The following EML6 variants were observed in gnomAD, a reference collection of about 807,000 sequenced individuals.
EML6 encodes the protein echinoderm microtubule-associated protein-like 6.
A neutral mutation model predicts 240.1 loss-of-function variants in EML6; 154 were observed. The ratio of observed to expected loss-of-function variants is 0.64; its 90% CI spans 0.56 to 0.73. EML6 has a LOEUF of 0.73. Among genes scored for constraint, EML6 ranks in the 30% least tolerant of loss-of-function variants. The pLI, the probability that EML6 is intolerant of heterozygous loss-of-function variation, is 0.00. For missense variants in EML6, 2,964 were observed against 2,474.6 expected, an observed-to-expected ratio of 1.20 and a Z score of -4.20; for synonymous variants, 1,148 against 899.0, an observed-to-expected ratio of 1.28 and a Z score of -4.95.
chr2:54,892,947 T>C (rs1277024762), intron 19 of EML6, among the ~76,000 whole-genome samples: 1 of 152,142 alleles, frequency 6.6e-6, no homozygotes, highest in Non-Finnish European at 1.5e-5. Flanking sequence ...TGTGGACACT[T>C]AGCAGCAGAA....
chr2:54,814,536 C>T (rs1405831847), intron 3 of EML6, among the ~76,000 whole-genome samples: 1 of 152,196 alleles, frequency 6.6e-6, no homozygotes, highest in African/African-American at 2.4e-5. Context: ...GCCACCCTTC[C>T]TCTGTCTCTC....
chr2:54,898,221 C>T (rs562708048), intron 21 of EML6, among the ~76,000 whole-genome samples: 3 of 152,064 alleles, frequency 2.0e-5, no homozygotes, highest in Non-Finnish European at 4.4e-5. Flanking sequence ...TCCTTCAAGC[C>T]TGCCTCGCTT....
intron 24 of EML6, among the ~76,000 whole-genome samples, chr2:54,905,663 C>T (rs13382720): frequency 0.17 from 25,388 of 152,110 alleles, 2,671 homozygotes; most frequent in African/African-American, 0.29. Context: ...TCTTGTAATA[C>T]TGATGACATT....
rs1675522090 is a variant in EML6 at position 54,943,280 on chromosome 2, T to C, written c.4005-5602T>C. On this transcript the variant is annotated intron_variant, in intron 28 of 41. Transcript: ENST00000356458. Reference sequence around the variant, plus strand: ...CTTCTCAGAGGAAGTAAGTCCCTTCTCCTATTCAAGACAGTTCCCTCACCT... The same window carrying C: ...CTTCTCAGAGGAAGTAAGTCCCTTCCCCTATTCAAGACAGTTCCCTCACCT... 1.3e-5 allele frequency among the ~76,000 whole-genome samples: 2 copies of C among 152,072 alleles called. 1 individual carries two copies. Among genetic ancestry groups the C allele is most frequent in the South Asian group, 4.2e-4 (2 of 4,816 alleles).
intron 28 of EML6, among the ~76,000 whole-genome samples, chr2:54,942,319 A>G (rs1057242845): frequency 6.6e-6 from 1 of 152,234 alleles, no homozygotes; most frequent in African/African-American, 2.4e-5. Flanking sequence ...ATGGAGATAA[A>G]AGAACACTTC....
chr2:54,846,000 C>T (rs552709361), intron 8 of EML6, among the ~76,000 whole-genome samples: 1 of 152,206 alleles, frequency 6.6e-6, no homozygotes, highest in Non-Finnish European at 1.5e-5. Flanking sequence ...TTTCTATCTT[C>T]AGATGTTTCA....
intron 12 of EML6, among the ~76,000 whole-genome samples, chr2:54,862,746 G>A (rs1670749864): frequency 1.3e-5 from 2 of 152,286 alleles, no homozygotes; most frequent in South Asian, 4.1e-4. Flanking sequence ...TAAAGGCAGA[G>A]CATTATAAGT....
intron 5 of EML6, 43 bp from the exon 6 acceptor site, chr2:54,827,523 G>A (rs747750069): frequency 2.4e-5 from 36 of 1,474,308 alleles, no homozygotes; most frequent in African/African-American, 9.8e-5. Flanking sequence ...CAATACATCC[G>A]AATACTCTAT....
In EML6 at chr2:54,820,536, G is replaced by A. The variant is rs752078020; in HGVS notation, c.525+74G>A. ...TAGGTGTTTGTATAGATAATTTGAT[G>A]TTGAGAGACTGCTAGACTTTACATT... On this transcript the variant is annotated intron_variant, in intron 5 of 41. Transcript: ENST00000356458. 6.5e-4 allele frequency: 560 copies of A among 862,716 alleles called. 5 individuals carry two copies. Among genetic ancestry groups the A allele is most frequent in the Non-Finnish European group, 1.4e-4 (74 of 542,552 alleles). 53.4% of individuals were successfully genotyped at this position (862,716 alleles called of 1,614,324 possible).
intron 7 of EML6, among the ~76,000 whole-genome samples, chr2:54,839,148 G>A (rs1669310894): frequency 6.6e-6 from 1 of 152,180 alleles, no homozygotes; most frequent in African/African-American, 2.4e-5. Context: ...GGATAGACAG[G>A]AGAAGGGAAT....
intron 6 of EML6, among the ~76,000 whole-genome samples, chr2:54,828,780 G>A (rs1339938814): frequency 6.6e-6 from 1 of 152,204 alleles, no homozygotes. Flanking sequence ...CTGTGGAGGA[G>A]CATCTTGAAA....
intron 2 of EML6, among the ~76,000 whole-genome samples, chr2:54,740,927 T>C (rs1683602096): frequency 6.6e-6 from 1 of 152,156 alleles, no homozygotes; most frequent in Non-Finnish European, 1.5e-5. Flanking sequence ...GATAAAAATG[T>C]AATAGAAGAG....
At chr2:54,741,839 C>T (rs767882977) in intron 2 of EML6, among the ~76,000 whole-genome samples, 2 of 152,206 alleles carry the variant, frequency 1.3e-5, no homozygotes, top group Non-Finnish European at 2.9e-5. Context: ...GAAGGCAAAG[C>T]TCTTCCTTGT....
intron 17 of EML6, among the ~76,000 whole-genome samples, chr2:54,888,518 C>T (rs1318413151): frequency 2.0e-5 from 3 of 152,138 alleles, no homozygotes; most frequent in East Asian, 3.8e-4. Flanking sequence ...ATCCTTTCAT[C>T]CCTCCTCCCT....
chr2:54,956,696 A>C (rs1331099715), intron 32 of EML6, among the ~76,000 whole-genome samples: 1 of 152,192 alleles, frequency 6.6e-6, no homozygotes, highest in Non-Finnish European at 1.5e-5. Flanking sequence ...CCACAGGCCC[A>C]GCTACATCAA....
Position 54,810,406 on chromosome 2 carries a change from C to A in EML6, c.198-2826C>A, listed in dbSNP as rs571791481. 2.6e-5 allele frequency among the ~76,000 whole-genome samples: 4 copies of A among 152,248 alleles called. No individual in the cohort carries two copies. In the South Asian group the frequency reaches 6.2e-4, roughly 24 times the overall value. On this transcript the variant is annotated intron_variant, in intron 2 of 41. Coordinates refer to ENST00000356458, the MANE Select transcript of EML6 (RefSeq NM_001039753.4). ...TTGAAATCTGTTTATTCCATTCCCC[C>A]CAACCCCGTCATTCAAAGAACTGCA...
At chr2:54,790,389 G>A (rs1669367346) in intron 2 of EML6, among the ~76,000 whole-genome samples, 4 of 152,130 alleles carry the variant, frequency 2.6e-5, no homozygotes, top group South Asian at 4.1e-4. Flanking sequence ...TGTGGAGCGG[G>A]GAAGCACCCT....
intron 34 of EML6, among the ~76,000 whole-genome samples, chr2:54,959,560 A>G (rs1229344766): frequency 1.3e-5 from 2 of 152,126 alleles, no homozygotes; most frequent in Non-Finnish European, 2.9e-5. Flanking sequence ...TCAGGAGTTC[A>G]AAACCAGCCT....
chr2:54,871,793 T>C (rs1671273302), intron 16 of EML6, among the ~76,000 whole-genome samples, 188 bp downstream of exon 16: 2 of 152,254 alleles, frequency 1.3e-5, no homozygotes, highest in African/African-American at 2.4e-5. Flanking sequence ...GAATCATACA[T>C]AGGAATACCT....
Sources: allele counts gnomAD v4.1 joint callset (sites outside exome capture counted in the v4.1 genomes callset), GRCh38; gene constraint gnomAD v4.1.1; transcripts MANE v1.5; gene names NCBI Gene and HGNC (gene_info 2026-07-23, HGNC 2026-07-21).